The following PTPRO variants were observed in gnomAD, a reference collection of about 807,000 sequenced individuals.
The protein encoded by PTPRO is receptor-type tyrosine-protein phosphatase O.
In PTPRO, 62 loss-of-function variants were observed where a neutral mutation model predicts 145.2. The observed-to-expected ratio is 0.43, with a 90% CI of 0.35 to 0.53. PTPRO has a LOEUF of 0.53. Ranked by LOEUF, PTPRO falls within the 20% of genes least tolerant of loss-of-function variation. PTPRO has a pLI of 0.01. For missense variants in PTPRO, 1,345 were observed against 1,482.7 expected, an observed-to-expected ratio of 0.91 and a Z score of 1.53; for synonymous variants, 565 against 514.7, an observed-to-expected ratio of 1.10 and a Z score of -1.32.
At chr12:15,489,766 G>A (rs1406870235) in intron 2 of PTPRO, among the ~76,000 whole-genome samples, 2 of 152,114 alleles carry the variant, frequency 1.3e-5, no homozygotes, top group Non-Finnish European at 2.9e-5. Flanking sequence ...CTGTTCAAAT[G>A]CCTCTGACAC....
chr12:15,472,331 A>G (rs189250066), intron 1 of PTPRO, among the ~76,000 whole-genome samples: 6 of 152,302 alleles, frequency 3.9e-5, no homozygotes, highest in Non-Finnish European at 8.8e-5. Context: ...TCCTAATTAT[A>G]TAAGTCTTGC....
intron 14 of PTPRO, among the ~76,000 whole-genome samples, chr12:15,550,538 T>C (rs74063866): frequency 0.011 from 1,685 of 152,324 alleles, 30 homozygotes; most frequent in African/African-American, 0.038. Flanking sequence ...GGTGATATTA[T>C]TAAACTTATT....
At chr12:15,592,842 A>T (rs990519085) in intron 25 of PTPRO, among the ~76,000 whole-genome samples, 2 of 152,134 alleles carry the variant, frequency 1.3e-5, no homozygotes, top group African/African-American at 4.8e-5. Context: ...TTTTTATCGA[A>T]TATTTTGTTT....
intron 1 of PTPRO, among the ~76,000 whole-genome samples, chr12:15,325,655 G>A (rs981065327): frequency 1.3e-5 from 2 of 152,208 alleles, no homozygotes; most frequent in African/African-American, 4.8e-5. Context: ...CCTCGCTGTT[G>A]TGTGTCTTCC....
intron 1 of PTPRO, among the ~76,000 whole-genome samples, chr12:15,433,710 G>A (rs1345785078): frequency 6.6e-6 from 1 of 152,076 alleles, no homozygotes; most frequent in Non-Finnish European, 1.5e-5. Context: ...TGTTCCTTTG[G>A]TTTACATATC....
intron 2 of PTPRO, among the ~76,000 whole-genome samples, chr12:15,487,877 A>G (rs1219204565): frequency 6.6e-6 from 1 of 152,248 alleles, no homozygotes; most frequent in East Asian, 1.9e-4. Context: ...CATATTGGAC[A>G]GAGCAATTCT....
Position 15,322,528 on chromosome 12 carries a change from G to T in PTPRO, c.-199G>T. 1 of 643,634 alleles carries T rather than the reference G, an allele frequency of 1.6e-6. No homozygotes were observed. The allele number at this position is 643,634 out of a possible 1,614,324, so 39.9% of individuals were successfully genotyped here. A position where few individuals can be genotyped will look rare whatever the true frequency, so the allele number is the denominator to read the frequency against. ...TCCTTAGTCATTAAAGAACAGCAGCGCCTGGCACGTTCTTGGAGGACCCCG... is the reference window on the plus strand; with the variant it reads ...TCCTTAGTCATTAAAGAACAGCAGCTCCTGGCACGTTCTTGGAGGACCCCG... On this transcript the variant is annotated 5_prime_UTR_variant, in exon 1 of 27. Coordinates refer to ENST00000281171, the MANE Select transcript of PTPRO (RefSeq NM_030667.3). The surrounding 1 kb of genome is among the most constrained non-coding windows in gnomAD (Gnocchi z 6.3).
At chr12:15,466,828 A>G (rs1941427903) in intron 1 of PTPRO, among the ~76,000 whole-genome samples, 1 of 151,912 alleles carries the variant, frequency 6.6e-6, no homozygotes, top group Admixed American at 6.6e-5. Context: ...ATGTAATAAA[A>G]ACGACTGATC....
intron 4 of PTPRO, among the ~76,000 whole-genome samples, chr12:15,500,583 C>A (rs924551848): frequency 1.3e-5 from 2 of 152,006 alleles, no homozygotes; most frequent in Non-Finnish European, 2.9e-5. Context: ...AACAGAGGTA[C>A]AAAGTTATTT....
chr12:15,424,119 TA>T (rs1940219507), intron 1 of PTPRO, among the ~76,000 whole-genome samples: 4 of 152,220 alleles, frequency 2.6e-5, no homozygotes, highest in Non-Finnish European at 5.9e-5. Flanking sequence ...TATTCTCAAA[TA>T]AATGTTGCAA....
intron 1 of PTPRO, among the ~76,000 whole-genome samples, chr12:15,369,482 T>G (rs1938459718): frequency 6.6e-6 from 1 of 152,232 alleles, no homozygotes; most frequent in Admixed American, 6.5e-5. Flanking sequence ...CATCCAATTT[T>G]ACTTTCTTTG....
intron 19 of PTPRO, among the ~76,000 whole-genome samples, chr12:15,575,684 TACC>T (rs1317919909): frequency 6.6e-6 from 1 of 152,228 alleles, no homozygotes; most frequent in Non-Finnish European, 1.5e-5. Flanking sequence ...CATAACAAAT[TACC>T]ACAATTGTCG....
intron 12 of PTPRO, among the ~76,000 whole-genome samples, chr12:15,535,468 T>A (rs931726891): frequency 6.6e-6 from 1 of 152,180 alleles, no homozygotes; most frequent in Non-Finnish European, 1.5e-5. Flanking sequence ...ACCACCATCA[T>A]CAAACTTATG....
chr12:15,504,205 G>T, intron 6 of PTPRO, 136 bp downstream of exon 6: 1 of 958,030 alleles, frequency 1.0e-6, no homozygotes. Context: ...GAGAGGCTGA[G>T]ATCCACAAGC....
At chr12:15,545,312 A>C (rs1943259858) in intron 12 of PTPRO, among the ~76,000 whole-genome samples, 1 of 151,784 alleles carries the variant, frequency 6.6e-6, no homozygotes, top group African/African-American at 2.4e-5. Context: ...TGGATGGAGG[A>C]TGCTGTTATG....
chr12:15,568,327 G>A (rs941779464), intron 18 of PTPRO, among the ~76,000 whole-genome samples: 4 of 152,180 alleles, frequency 2.6e-5, no homozygotes, highest in Admixed American at 6.5e-5. Flanking sequence ...CTACTTGGGA[G>A]GCTGAGGCAG....
intron 1 of PTPRO, among the ~76,000 whole-genome samples, chr12:15,436,980 C>T (rs1472277851): frequency 6.6e-6 from 1 of 151,974 alleles, no homozygotes; most frequent in Non-Finnish European, 1.5e-5. Flanking sequence ...AGTGCCCCAT[C>T]CTCCTCCCCT....
chr12:15,439,265 T>C (rs566780500), intron 1 of PTPRO, among the ~76,000 whole-genome samples: 1 of 152,178 alleles, frequency 6.6e-6, no homozygotes, highest in African/African-American at 2.4e-5. Flanking sequence ...AGAGAGATCC[T>C]TAAGGGAGTT....
chr12:15,472,566 C>T lies in PTPRO; in HGVS notation c.76-11408C>T, dbSNP rs185886534. ...CAGATTCCCCTGGCAAACTCACGAG[C>T]ATCTTTCATACATCACTTGCTCCCT... On this transcript the variant is annotated intron_variant, in intron 1 of 26. Coordinates refer to ENST00000281171, the MANE Select transcript of PTPRO (RefSeq NM_030667.3). 1.4e-3 allele frequency among the ~76,000 whole-genome samples: 209 copies of T among 152,296 alleles called. 1 individual carries two copies. Among genetic ancestry groups the T allele is most frequent in the Admixed American group, 2.9e-3 (45 of 15,296 alleles).
Sources: allele counts gnomAD v4.1 joint callset (sites outside exome capture counted in the v4.1 genomes callset), GRCh38; gene constraint gnomAD v4.1.1; non-coding constraint Gnocchi (gnomAD v3.1); transcripts MANE v1.5; gene names NCBI Gene and HGNC (gene_info 2026-07-23, HGNC 2026-07-21).